The following PPP1R1C variants were observed in gnomAD, a reference collection of about 807,000 sequenced individuals.
The protein encoded by PPP1R1C is protein phosphatase 1 regulatory inhibitor subunit 1C.
In PPP1R1C, 15 loss-of-function variants were observed where a neutral mutation model predicts 17.4. The ratio of observed to expected loss-of-function variants is 0.86; its 90% CI spans 0.58 to 1.33. The LOEUF is 1.33. PPP1R1C is among the 40% of genes most tolerant of loss of function. The probability of loss-of-function intolerance (pLI) is 0.00; values close to 1 mark genes in which losing one functional copy is unlikely to be tolerated. For synonymous variants in PPP1R1C, 35 were observed against 43.1 expected, an observed-to-expected ratio of 0.81 and a Z score of 0.73; for missense variants, 143 against 130.0, an observed-to-expected ratio of 1.10 and a Z score of -0.48.
At chr2:182,079,476 A>G (rs565726162) in intron 4 of PPP1R1C, among the ~76,000 whole-genome samples, 1 of 152,214 alleles carries the variant, frequency 6.6e-6, no homozygotes, top group Non-Finnish European at 1.5e-5. Context: ...AGCAGTGGCT[A>G]AGTGCAAAAA....
intron 4 of PPP1R1C, among the ~76,000 whole-genome samples, chr2:182,113,757 T>C (rs1689505123): frequency 6.6e-6 from 1 of 152,220 alleles, no homozygotes; most frequent in Non-Finnish European, 1.5e-5. Context: ...ATTCCAGCTC[T>C]TGGAAACCTT....
At chr2:182,066,632 G>A (rs1687990535) in intron 4 of PPP1R1C, among the ~76,000 whole-genome samples, 1 of 152,032 alleles carries the variant, frequency 6.6e-6, no homozygotes. Context: ...TGCTAACCAT[G>A]AGTCATAAAT....
Position 182,109,550 on chromosome 2 carries a change from T to C in PPP1R1C, c.242-7657T>C, listed in dbSNP as rs180862790. The stretch of plus-strand genomic sequence containing the variant: ...TAGTGTCTGAATCTAGATTATTATA[T>C]TTTTTTGCATGTGGATGTCCAGTTG... On this transcript the variant is annotated intron_variant, in intron 4 of 4. Transcript: ENST00000682840. 3.8e-3 allele frequency among the ~76,000 whole-genome samples: 581 copies of C among 152,280 alleles called. 8 individuals carry two copies. Among genetic ancestry groups the C allele is most frequent in the African/African-American group, 0.013 (547 of 41,556 alleles).
At chr2:182,088,582 G>C (rs1181121741) in intron 4 of PPP1R1C, among the ~76,000 whole-genome samples, 1 of 152,158 alleles carries the variant, frequency 6.6e-6, no homozygotes, top group African/African-American at 2.4e-5. Context: ...TGTAACCAAG[G>C]AATACATGTT....
At chr2:182,083,564 TA>T (rs1373329724) in intron 4 of PPP1R1C, among the ~76,000 whole-genome samples, 1 of 152,200 alleles carries the variant, frequency 6.6e-6, no homozygotes, top group African/African-American at 2.4e-5. Flanking sequence ...GGCCTCCAAC[TA>T]CATCCAAGTT....
Position 182,072,523 on chromosome 2 carries a change from G to A in PPP1R1C, c.241+8732G>A, listed in dbSNP as rs190366130. Among the ~76,000 whole-genome samples, 788 of 152,274 alleles carry A rather than the reference G, an allele frequency of 5.2e-3. 2 individuals carry two copies. The highest frequency in any genetic ancestry group is 0.018 in the African/African-American group (754 of 41,550). On this transcript the variant is annotated intron_variant, in intron 4 of 4. Transcript: ENST00000682840. ...TTTGGAGGAAAGTGTGGATTACAGA[G>A]GAGCAGGGTTCCCATGTTAAGTGTC...
Position 181,987,910 on chromosome 2 carries a change from A to G in PPP1R1C, c.142+11A>G, listed in dbSNP as rs1214665938. The G allele has an allele frequency of 6.2e-7, 1 of 1,606,666 alleles. No individual in the cohort carries two copies. Among genetic ancestry groups the G allele is most frequent in the African/African-American group, 1.3e-5 (1 of 74,840 alleles). ...AGCATAACCCCCCAGGTAAAGAAGC[A>G]TGATGTGTTTCACACTGATGGAACA... is the stretch of plus-strand genomic sequence containing the variant. On this transcript the variant is annotated intron_variant, in intron 2 of 4. Coordinates refer to ENST00000682840, the MANE Select transcript of PPP1R1C (RefSeq NM_001080545.3).
chr2:181,970,137 T>C (rs945385755), intron 1 of PPP1R1C, among the ~76,000 whole-genome samples: 1 of 133,422 alleles, frequency 7.5e-6, no homozygotes, highest in African/African-American at 3.0e-5. Context: ...CTTATTTAGT[T>C]TTTTTTTTTT....
chr2:182,011,981 T>C (rs1436978891), intron 2 of PPP1R1C, among the ~76,000 whole-genome samples: 2 of 152,004 alleles, frequency 1.3e-5, no homozygotes, highest in Non-Finnish European at 2.9e-5. Context: ...CTGAGAAATA[T>C]TTGAAATTAT....
chr2:181,979,238 G>A (rs968472953), intron 2 of PPP1R1C, among the ~76,000 whole-genome samples: 1 of 152,120 alleles, frequency 6.6e-6, no homozygotes, highest in Admixed American at 6.5e-5. Context: ...TTTAGTGAGT[G>A]ATATGACCCC....
intron 2 of PPP1R1C, among the ~76,000 whole-genome samples, chr2:182,020,631 A>G (rs1686392242): frequency 2.0e-5 from 3 of 152,118 alleles, no homozygotes; most frequent in African/African-American, 7.2e-5. Context: ...TTCTCTTTCC[A>G]TAAGGGGTTT....
intron 4 of PPP1R1C, among the ~76,000 whole-genome samples, chr2:182,112,849 C>T (rs945300165): frequency 6.6e-6 from 1 of 152,010 alleles, no homozygotes; most frequent in Admixed American, 6.6e-5. Context: ...GAATGATTTA[C>T]AATGGTCTAA....
intron 4 of PPP1R1C, among the ~76,000 whole-genome samples, chr2:182,108,501 T>C (rs2125232600): frequency 6.6e-6 from 1 of 152,326 alleles, no homozygotes; most frequent in African/African-American, 2.4e-5. Flanking sequence ...AAATGTTGTC[T>C]ACATAATGAT....
chr2:182,078,239 A>G (rs1002950495), intron 4 of PPP1R1C, among the ~76,000 whole-genome samples: 29 of 152,208 alleles, frequency 1.9e-4, no homozygotes, highest in African/African-American at 6.8e-4. Context: ...TAAGCAACAG[A>G]AAGTCTTCTT....
At chr2:182,115,393 AT>A (rs1689554347) in intron 4 of PPP1R1C, among the ~76,000 whole-genome samples, 3 of 152,196 alleles carry the variant, frequency 2.0e-5, no homozygotes, top group Admixed American at 2.0e-4. Flanking sequence ...TTGAGAGACT[AT>A]GATGTGTCAG....
chr2:181,963,158 C>T (rs1021180430), intron 1 of PPP1R1C, among the ~76,000 whole-genome samples: 21 of 152,048 alleles, frequency 1.4e-4, no homozygotes, highest in Admixed American at 4.6e-4. Context: ...CTAACAATTC[C>T]GTTTGATAAA....
At chr2:182,016,172 A>T (rs1686257936) in intron 2 of PPP1R1C, among the ~76,000 whole-genome samples, 1 of 151,966 alleles carries the variant, frequency 6.6e-6, no homozygotes, top group African/African-American at 2.4e-5. Flanking sequence ...CAATGCGAAG[A>T]CTCACAATCT....
intron 2 of PPP1R1C, among the ~76,000 whole-genome samples, chr2:181,993,594 T>C (rs1341035925): frequency 6.6e-6 from 1 of 152,206 alleles, no homozygotes; most frequent in Non-Finnish European, 1.5e-5. Context: ...TTGAAGATCA[T>C]TGAAGTGTTA....
At chr2:181,985,269 G>C (rs1685268182), upstream of PPP1R1C, among the ~76,000 whole-genome samples, 1 of 152,152 alleles carries the variant, frequency 6.6e-6, no homozygotes, top group Non-Finnish European at 1.5e-5. The surrounding 1 kb of genome is among the most constrained non-coding windows in gnomAD (Gnocchi z 4.1). Context: ...GGAACAGGAT[G>C]GGACTTTAAA....
Sources: gnomAD v4.1 joint callset for allele counts (sites outside exome capture counted in the v4.1 genomes callset) on GRCh38, gnomAD v4.1.1 for gene constraint, Gnocchi (gnomAD v3.1) non-coding constraint, MANE v1.5 for transcripts, NCBI Gene and HGNC (gene_info 2026-07-23, HGNC 2026-07-21) for gene names.